Variants in VWA3B observed in about 807,000 individuals in gnomAD.
The protein encoded by VWA3B is von Willebrand factor A domain containing 3B, also known as von Willebrand factor A domain-containing protein 3B.
A neutral mutation model predicts 158.3 loss-of-function variants in VWA3B; 138 were observed. The observed-to-expected ratio is 0.87, with a 90% CI of 0.76 to 1.00. The LOEUF (loss-of-function observed/expected upper bound fraction) is 1.00, where lower values mean the gene tolerates loss of function less well. Among genes scored for constraint, VWA3B ranks in the 50% least tolerant of loss-of-function variants. The pLI, the probability that VWA3B is intolerant of heterozygous loss-of-function variation, is 0.00. For missense variants in VWA3B, 1,555 were observed against 1,565.1 expected (o/e 0.99, Z 0.11); for synonymous variants, 596 against 587.3 (o/e 1.01, Z -0.21).
the VWA3B span, among the ~76,000 whole-genome samples, chr2:98,326,169 C>T: frequency 6.6e-6 from 1 of 151,898 alleles, no homozygotes; most frequent in Non-Finnish European, 1.5e-5. Flanking sequence ...ATAGATAAAC[C>T]TCTAATTAGC....
chr2:98,267,803 A>C lies in VWA3B; in HGVS notation c.2844-2879A>C, dbSNP rs545346423. 3.9e-5 allele frequency among the ~76,000 whole-genome samples: 6 copies of C among 152,270 alleles called. No individual in the cohort carries two copies. The South Asian group carries it at 1.2e-3, about 32-fold the overall frequency. On this transcript the variant is annotated intron_variant, in intron 21 of 27. Transcript: ENST00000477737. ...TTGATAGACTACTAGCAAGACTAAT[A>C]AAGAAAAAAAGAGAGAAGAATCAAA...
chr2:98,185,673 C>T (rs907293461), intron 9 of VWA3B, among the ~76,000 whole-genome samples: 3 of 152,192 alleles, frequency 2.0e-5, no homozygotes, highest in Non-Finnish European at 4.4e-5. Context: ...CACATCTCAG[C>T]CCCCAGTGTC....
At chr2:98,191,858 A>T (rs1681601173) in intron 10 of VWA3B, among the ~76,000 whole-genome samples, 2 of 152,106 alleles carry the variant, frequency 1.3e-5, no homozygotes, top group Non-Finnish European at 2.9e-5. Context: ...TTGCCATTCA[A>T]ATTTTAGTTT....
chr2:98,126,271 G>A lies in VWA3B; in HGVS notation c.703-1968G>A, dbSNP rs142324359. On this transcript the variant is annotated intron_variant, in intron 5 of 27. Coordinates refer to ENST00000477737, the MANE Select transcript of VWA3B (RefSeq NM_144992.5). Reference sequence around the variant, plus strand: ...ACTTCAGGTTTTGGGATTAGTGCCAGAGGAAAGAAGCTGAGTTTACATGAC... The same window carrying A: ...ACTTCAGGTTTTGGGATTAGTGCCAAAGGAAAGAAGCTGAGTTTACATGAC... 1.2e-4 allele frequency among the ~76,000 whole-genome samples: 18 copies of A among 152,352 alleles called. No homozygotes were observed. The East Asian group carries it at 3.3e-3, about 28-fold the overall frequency.
intron 5 of VWA3B, among the ~76,000 whole-genome samples, chr2:98,124,860 G>C (rs1352593650): frequency 1.3e-5 from 2 of 152,154 alleles, no homozygotes; most frequent in East Asian, 3.8e-4. Flanking sequence ...CTTTGGCGGG[G>C]CAGAATGCAT....
chr2:98,292,204 C>G (rs1343575707), intron 23 of VWA3B: 1 of 152,060 alleles, frequency 6.6e-6, no homozygotes, highest in Non-Finnish European at 1.5e-5. Context: ...CGCCACTGCA[C>G]TCCAGCCTGG....
At chr2:98,256,390 T>TG (rs1687147590) in intron 21 of VWA3B, among the ~76,000 whole-genome samples, 1 of 152,286 alleles carries the variant, frequency 6.6e-6, no homozygotes, top group Admixed American at 6.5e-5. Context: ...CCCCCTTTTC[T>TG]GGGTTACCAC....
At chr2:98,281,145 G>A (rs1447224163) in intron 22 of VWA3B, among the ~76,000 whole-genome samples, 1 of 152,136 alleles carries the variant, frequency 6.6e-6, no homozygotes, top group Non-Finnish European at 1.5e-5. Context: ...ATTTTTCAAA[G>A]GGATGCAGAG....
chr2:98,235,812 T>C (rs998313786), intron 17 of VWA3B, among the ~76,000 whole-genome samples: 8 of 152,256 alleles, frequency 5.3e-5, no homozygotes, highest in Admixed American at 4.6e-4. Flanking sequence ...ATTTCTTAGC[T>C]AGTTAACTAG....
rs952881124 is a variant in VWA3B at position 98,193,118 on chromosome 2, A to G, written c.1605+82A>G. The G allele has an allele frequency of 2.7e-6, 4 of 1,501,326 alleles. No homozygotes were observed. In the African/African-American group the frequency reaches 5.6e-5, roughly 21 times the overall value. 93.0% of individuals were successfully genotyped at this position (1,501,326 alleles called of 1,614,324 possible). ...GCAGTGGATAGGGGCTTGTTGCTCTAAAAAATTCCTAAGAAAGCCAAATTC... is the reference window on the plus strand; with the variant it reads ...GCAGTGGATAGGGGCTTGTTGCTCTGAAAAATTCCTAAGAAAGCCAAATTC... On this transcript the variant is annotated intron_variant, in intron 11 of 27. Coordinates refer to ENST00000477737, the MANE Select transcript of VWA3B (RefSeq NM_144992.5).
At position 98,217,885 on chromosome 2, in the gene VWA3B, G is replaced by A; in HGVS notation, c.1876G>A (p.Glu626Lys). The A allele has an allele frequency of 6.2e-7, 1 of 1,610,624 alleles. No homozygotes were observed. The highest frequency in any genetic ancestry group is 1.1e-5 in the South Asian group (1 of 90,680). The change falls in exon 14 of 28, where the codon GAA (glutamate) becomes AAA (lysine). Residue 626 changes from glutamate to lysine, a missense_variant. Physicochemically the swap from Glu to Lys is moderately conservative, Grantham distance 56. Coordinates refer to ENST00000477737, the MANE Select transcript of VWA3B (RefSeq NM_144992.5). ...TVIDQVKRFQ[E>K]IPIYTISFNY... ...TATAGACCAGGTCAAACGTTTTCAGGAAATTCCTATTTATACCATCTCCTT... is the reference window on the plus strand; with the variant it reads ...TATAGACCAGGTCAAACGTTTTCAGAAAATTCCTATTTATACCATCTCCTT...
At chr2:98,208,962 T>G (rs1020300368) in intron 12 of VWA3B, among the ~76,000 whole-genome samples, 1 of 152,318 alleles carries the variant, frequency 6.6e-6, no homozygotes, top group South Asian at 2.1e-4. Context: ...TTCCTTCTCC[T>G]TCAACCCTGG....
intron 7 of VWA3B, among the ~76,000 whole-genome samples, chr2:98,136,643 CT>C (rs1676309624): frequency 6.6e-6 from 1 of 151,654 alleles, no homozygotes; most frequent in East Asian, 1.9e-4. Flanking sequence ...CCTTCAGCCT[CT>C]TTTATAAGAG....
At chr2:98,101,575 T>A (rs1470931693) in intron 2 of VWA3B, among the ~76,000 whole-genome samples, 1 of 152,258 alleles carries the variant, frequency 6.6e-6, no homozygotes, top group Non-Finnish European at 1.5e-5. Flanking sequence ...TACCAATTCC[T>A]TGCCAGCTTT....
chr2:98,248,257 A>G (rs1289827679), intron 19 of VWA3B, among the ~76,000 whole-genome samples: 1 of 152,144 alleles, frequency 6.6e-6, no homozygotes, highest in Non-Finnish European at 1.5e-5. Context: ...CATAAATTTA[A>G]TTTATTATCA....
At position 98,212,006 on chromosome 2, in the gene VWA3B, T is replaced by A. The variant is rs773401425; in HGVS notation, c.1814T>A (p.Leu605Gln). ...ADKETQAIYLLTDGRPDQPPE... is the reference protein window; with the variant it reads ...ADKETQAIYLQTDGRPDQPPE... ...AAAGAAACACAGGCAATCTACCTTC[T>A]GACCGATGGGAGACCTGATCAGGTA... The change falls in exon 13 of 28, where the codon CTG becomes CAG. Residue 605 changes from leucine to glutamine, a missense_variant. Transcript: ENST00000477737. The A allele has an allele frequency of 6.2e-6, 10 of 1,614,166 alleles. No homozygotes were observed. In the South Asian group the frequency reaches 1.1e-4, roughly 18 times the overall value.
chr2:98,101,827 C>CT (rs759407304), intron 2 of VWA3B, among the ~76,000 whole-genome samples: 1,830 of 130,664 alleles, frequency 0.014, 14 homozygotes, highest in Non-Finnish European at 0.017. Flanking sequence ...TCCCATCTTT[C>CT]TTTTTTTTTT....
chr2:98,283,534 A>G (rs1453322728), intron 22 of VWA3B, among the ~76,000 whole-genome samples: 1 of 152,252 alleles, frequency 6.6e-6, no homozygotes, highest in East Asian at 1.9e-4. Context: ...AACACTTTAC[A>G]CAGTCTTCCA....
Position 98,270,824 on chromosome 2 carries a change from C to T in VWA3B, c.2986C>T (p.Gln996Ter). The change falls in exon 22 of 28, where the codon CAG becomes TAG. Residue 996 changes from glutamine (Q) to a stop codon, truncating the protein, a stop_gained. Transcript: ENST00000477737. LOFTEE classifies it high-confidence loss of function. ...EILAGKMYIQ[Q>*]AMELQEAAKK... is the part of the protein sequence containing the mutation. ...CCTAGCTGGGAAAATGTACATCCAG[C>T]AGGCCATGGAACTCCAGGAGGCTGC... 1 of 1,614,100 alleles carries T rather than the reference C, an allele frequency of 6.2e-7. No individual in the cohort carries two copies. The highest frequency in any genetic ancestry group is 8.5e-7 in the Non-Finnish European group (1 of 1,179,986).
Sources: allele counts gnomAD v4.1 joint callset (sites outside exome capture counted in the v4.1 genomes callset), GRCh38; gene constraint gnomAD v4.1.1; transcripts MANE v1.5; gene names NCBI Gene and HGNC (gene_info 2026-07-23, HGNC 2026-07-21).